Variants in CCDC47 observed in about 807,000 individuals in gnomAD.
CCDC47 encodes the protein PAT complex subunit CCDC47.
Under a neutral mutation model 60.5 loss-of-function variants are expected in CCDC47, and 41 were observed. That is an observed-to-expected ratio of 0.68 (90% CI 0.53 to 0.88). The LOEUF (loss-of-function observed/expected upper bound fraction) is 0.88. CCDC47 is among the 40% of genes least tolerant of loss of function. CCDC47 has a pLI of 0.00. For missense variants in CCDC47, 513 were observed against 580.9 expected, an observed-to-expected ratio of 0.88 and a Z score of 1.20; for synonymous variants, 195 against 190.7, an observed-to-expected ratio of 1.02 and a Z score of -0.18.
At chr17:63,752,985 G>A (rs2039178913) in intron 9 of CCDC47, 186 bp from the exon 10 acceptor site, 1 of 888,514 alleles carries the variant, frequency 1.1e-6, no homozygotes, top group Non-Finnish European at 1.3e-6. Context: ...TCTATCTGAT[G>A]GATGCATTCT....
intron 12 of CCDC47, among the ~76,000 whole-genome samples, chr17:63,751,225 G>C (rs1198279872): frequency 6.6e-6 from 1 of 151,288 alleles, no homozygotes; most frequent in East Asian, 1.9e-4. Context: ...AAAATTTAGA[G>C]CTGAGTGGCG....
At chr17:63,750,710 G>A (rs2039156461) in intron 12 of CCDC47, among the ~76,000 whole-genome samples, 1 of 151,290 alleles carries the variant, frequency 6.6e-6, no homozygotes, top group Admixed American at 6.6e-5. Flanking sequence ...TCAGCCTCCT[G>A]AGTAGCTGGG....
Position 63,764,837 on chromosome 17 carries a change from G to T in CCDC47, c.275C>A (p.Thr92Asn). The change falls in exon 3 of 13, where the codon ACT (threonine) becomes AAT (asparagine). Residue 92 changes from threonine (T) to asparagine (N), a missense_variant. Thr to Asn is a moderately conservative substitution (Grantham distance 65). Coordinates refer to ENST00000225726, the MANE Select transcript of CCDC47 (RefSeq NM_020198.3). ...FEDADTQEGD[T>N]ESEPYDDEEF... ...TTCATCATCATATGGTTCACTCTCAGTATCTCCCTCCTACAAAAATGAGGC... is the reference window on the plus strand; with the variant it reads ...TTCATCATCATATGGTTCACTCTCATTATCTCCCTCCTACAAAAATGAGGC... The T allele has an allele frequency of 6.2e-7, 1 of 1,611,018 alleles. No individual in the cohort carries two copies. Among genetic ancestry groups the T allele is most frequent in the Non-Finnish European group, 8.5e-7 (1 of 1,179,094 alleles).
intron 11 of CCDC47, 79 bp downstream of exon 11, chr17:63,752,241 A>C: frequency 7.1e-7 from 1 of 1,413,222 alleles, no homozygotes. Context: ...CAGTCACTGA[A>C]ATCATTGATA....
At chr17:63,751,160 G>A (rs1423723213) in intron 12 of CCDC47, among the ~76,000 whole-genome samples, 2 of 151,186 alleles carry the variant, frequency 1.3e-5, no homozygotes, top group Admixed American at 6.6e-5. Flanking sequence ...GATTACAAGC[G>A]TGAGCCACTG....
At chr17:63,766,417 CATTT>C (rs2039298722) in intron 1 of CCDC47, among the ~76,000 whole-genome samples, 1 of 152,000 alleles carries the variant, frequency 6.6e-6, no homozygotes, top group South Asian at 2.1e-4. Flanking sequence ...GTCATCAAGT[CATTT>C]ATTTAATTTC....
At chr17:63,760,673 T>C (rs1259617021) in intron 6 of CCDC47, among the ~76,000 whole-genome samples, 3 of 151,870 alleles carry the variant, frequency 2.0e-5, no homozygotes, top group African/African-American at 7.3e-5. Flanking sequence ...ACCCTGACTC[T>C]ACTAAAAATA....
At chr17:63,761,708 A>T (rs1364789251) in intron 4 of CCDC47, 1 of 474,390 alleles carries the variant, frequency 2.1e-6, no homozygotes, top group Admixed American at 6.5e-5. Context: ...AAAAAAAAAA[A>T]AGGAAACAAG....
At chr17:63,758,245 T>C (rs143432683) in intron 6 of CCDC47, among the ~76,000 whole-genome samples, 1 of 152,330 alleles carries the variant, frequency 6.6e-6, no homozygotes, top group East Asian at 1.9e-4. Context: ...ACCCGATTAA[T>C]AGTTAGTTGG....
chr17:63,749,735 G>A (rs1419626473), intron 12 of CCDC47, among the ~76,000 whole-genome samples: 4 of 149,878 alleles, frequency 2.7e-5, no homozygotes, highest in Non-Finnish European at 5.9e-5. Context: ...GTGAAAGAGC[G>A]AGACTCTGTC....
At chr17:63,770,541 G>A (rs890670611) in intron 1 of CCDC47, among the ~76,000 whole-genome samples, 2 of 152,170 alleles carry the variant, frequency 1.3e-5, no homozygotes, top group East Asian at 1.9e-4. Context: ...TGAGAGTATG[G>A]CAAAGGGAAA....
chr17:63,752,550 A>C, intron 10 of CCDC47, 121 bp from the exon 11 acceptor site: 1 of 772,200 alleles, frequency 1.3e-6, no homozygotes, highest in Non-Finnish European at 2.0e-6. Flanking sequence ...TAGGCAGTTA[A>C]AATGCAGCAG....
chr17:63,746,904 G>A lies in CCDC47; in HGVS notation c.1429C>T (p.Gln477Ter), dbSNP rs149378331. 1.3e-5 allele frequency: 21 copies of A among 1,613,556 alleles called. No homozygotes were observed. Among genetic ancestry groups the A allele is most frequent in the Non-Finnish European group, 1.8e-5 (21 of 1,179,704 alleles). Residue 477 changes from glutamine to a stop codon, truncating the protein, a stop_gained, in exon 13 of 13, where the codon CAA becomes TAA. Coordinates refer to ENST00000225726, the MANE Select transcript of CCDC47 (RefSeq NM_020198.3). LOFTEE classifies it high-confidence loss of function. ...CTTTACATGGCTTTCACTTTGATTT[G>A]TTTCATTTTCATTTGCTTCTTTTCC... ...KLEKKQMKMK[Q>*]IKVKAM
rs75270927 is a variant in CCDC47 at position 63,756,718 on chromosome 17, C to T, written c.736-148G>A. On this transcript the variant is annotated intron_variant, in intron 6 of 12. Coordinates refer to ENST00000225726, the MANE Select transcript of CCDC47 (RefSeq NM_020198.3). The stretch of plus-strand genomic sequence containing the variant: ...ATTTGCAAATATGATGGAATATTAC[C>T]CCCATAATCAGGCTGTTTTATGGCA... 6.6e-4 allele frequency: 407 copies of T among 618,284 alleles called. 2 individuals carry two copies. Among genetic ancestry groups the T allele is most frequent in the African/African-American group, 3.0e-3 (162 of 54,200 alleles). 38.3% of individuals were successfully genotyped at this position (618,284 alleles called of 1,614,324 possible). A position where few individuals can be genotyped will look rare whatever the true frequency, so the allele number is the denominator to read the frequency against.
chr17:63,763,978 T>G (rs747443474), intron 4 of CCDC47, 38 bp downstream of exon 4: 1 of 1,533,864 alleles, frequency 6.5e-7, no homozygotes, highest in South Asian at 1.3e-5. Flanking sequence ...CCAGATTGTT[T>G]TCAAGCAAGA....
At chr17:63,763,852 A>G (rs1277444351) in intron 4 of CCDC47, among the ~76,000 whole-genome samples, 164 bp downstream of exon 4, 3 of 151,240 alleles carry the variant, frequency 2.0e-5, no homozygotes, top group Non-Finnish European at 4.4e-5. Flanking sequence ...ATAAAATTAA[A>G]TTAAATTAAA....
chr17:63,765,346 C>T (rs1342742365), intron 2 of CCDC47, among the ~76,000 whole-genome samples: 1 of 145,830 alleles, frequency 6.9e-6, no homozygotes, highest in African/African-American at 2.5e-5. Flanking sequence ...TTTTTCTTTT[C>T]TTTTTTTTTT....
intron 1 of CCDC47, among the ~76,000 whole-genome samples, chr17:63,772,147 C>T (rs985963138): frequency 5.9e-5 from 9 of 151,986 alleles, no homozygotes; most frequent in African/African-American, 2.2e-4. Flanking sequence ...TGACCTTAGC[C>T]TAATTACTTA....
chr17:63,765,718 A>C, intron 2 of CCDC47, 194 bp downstream of exon 2: 1 of 1,396,038 alleles, frequency 7.2e-7, no homozygotes, highest in Non-Finnish European at 9.3e-7. Flanking sequence ...TCAGGGTTTC[A>C]ATAGAAGAAC....
Sources: gnomAD v4.1 joint callset for allele counts (sites outside exome capture counted in the v4.1 genomes callset) on GRCh38, gnomAD v4.1.1 for gene constraint, MANE v1.5 for transcripts, NCBI Gene and HGNC (gene_info 2026-07-23, HGNC 2026-07-21) for gene names.